CPEB4: variants seen among roughly 807,000 people sequenced by gnomAD.
The protein encoded by CPEB4 is cytoplasmic polyadenylation element-binding protein 4.
In CPEB4, 12 loss-of-function variants were observed where a neutral mutation model predicts 72.5. That is an observed-to-expected ratio of 0.17 (90% CI 0.11 to 0.27). The LOEUF is 0.27. CPEB4 is among the 10% of genes least tolerant of loss of function. The pLI, the probability that CPEB4 is intolerant of heterozygous loss-of-function variation, is 1.00. For missense variants in CPEB4, 614 were observed against 908.5 expected, an observed-to-expected ratio of 0.68 and a Z score of 4.17; for synonymous variants, 302 against 326.3, an observed-to-expected ratio of 0.93 and a Z score of 0.80.
chr5:173,898,573 A>G (rs1297443192), intron 1 of CPEB4, among the ~76,000 whole-genome samples: 1 of 152,252 alleles, frequency 6.6e-6, no homozygotes, highest in Admixed American at 6.5e-5. Context: ...TTGTTTTAAG[A>G]AAGCAACTCA....
At position 173,888,371 on chromosome 5, in the gene CPEB4, A is replaced by G. The variant is rs1755680334; in HGVS notation, c.-1363A>G. 2.2e-6 allele frequency: 1 copy of G among 445,296 alleles called. No individual in the cohort carries two copies. The highest frequency in any genetic ancestry group is 3.9e-6 in the Non-Finnish European group (1 of 258,568). 27.6% of individuals were successfully genotyped at this position (445,296 alleles called of 1,614,324 possible). On this transcript the variant is annotated 5_prime_UTR_variant, in exon 1 of 10. Transcript: ENST00000265085. This position sits in a 1 kb window ranked among gnomAD's most constrained non-coding sequence, Gnocchi z 4.3. Reference sequence around the variant, plus strand: ...TTCACTCGGCTCGGTCCTGAGGAGAAGGACTCAGCCGCGGCTGCGGGACCC... The same window carrying G: ...TTCACTCGGCTCGGTCCTGAGGAGAGGGACTCAGCCGCGGCTGCGGGACCC...
At chr5:173,920,016 A>G (rs1234919250) in intron 2 of CPEB4, among the ~76,000 whole-genome samples, 4 of 152,366 alleles carry the variant, frequency 2.6e-5, no homozygotes, top group Middle Eastern at 3.4e-3. Context: ...TGTAAAAGGA[A>G]TACTTTTTAA....
At chr5:173,895,288 G>C (rs528351121) in intron 1 of CPEB4, among the ~76,000 whole-genome samples, 2 of 152,282 alleles carry the variant, frequency 1.3e-5, no homozygotes, top group South Asian at 4.1e-4. Flanking sequence ...TTCTTTGGAG[G>C]GGTGCCTGGA....
Position 173,890,778 on chromosome 5 carries a change from G to T in CPEB4, c.1045G>T (p.Ala349Ser), listed in dbSNP as rs758003370. 6.2e-6 allele frequency: 10 copies of T among 1,614,074 alleles called. No homozygotes were observed. The Admixed American group carries it at 1.5e-4, about 24-fold the overall frequency. The change falls in exon 1 of 10, where the codon GCT becomes TCT. Residue 349 changes from alanine to serine, a missense_variant. Transcript: ENST00000265085. ...CAATCATATTCAGCTCCAGAAGTAT[G>T]CTCGCCCCAGCTCTGCCTTTGCACC... ...ASNHIQLQKYARPSSAFAPKS... is the reference protein window; with the variant it reads ...ASNHIQLQKYSRPSSAFAPKS...
intron 2 of CPEB4, among the ~76,000 whole-genome samples, chr5:173,931,738 C>A (rs752614738): frequency 1.3e-5 from 2 of 152,162 alleles, no homozygotes; most frequent in African/African-American, 4.8e-5. Flanking sequence ...ATAGAGAAAT[C>A]CCAGTGCCAT....
At chr5:173,909,493 G>C (rs1756562027) in intron 1 of CPEB4, among the ~76,000 whole-genome samples, 1 of 150,592 alleles carries the variant, frequency 6.6e-6, no homozygotes, top group Non-Finnish European at 1.5e-5. Context: ...CATTATTCCA[G>C]ATTTATTTTT....
chr5:173,891,936 A>T (rs1350799682), intron 1 of CPEB4, among the ~76,000 whole-genome samples: 1 of 152,132 alleles, frequency 6.6e-6, no homozygotes, highest in African/African-American at 2.4e-5. Context: ...TAACTTAGCC[A>T]AGGGTACACA....
Position 173,957,826 on chromosome 5 carries a change from G to C in CPEB4, c.*1689G>C, listed in dbSNP as rs960041061. On this transcript the variant is annotated 3_prime_UTR_variant, in exon 10 of 10. Coordinates refer to ENST00000265085, the MANE Select transcript of CPEB4 (RefSeq NM_030627.4). ...CTATGGATGATCTTTAGGAAAAGCA[G>C]CCCTTTACTTTTAATACAGGCTTTA... 10 of 152,768 alleles carry C rather than the reference G, an allele frequency of 6.5e-5. No individual in the cohort carries two copies. Among genetic ancestry groups the C allele is most frequent in the Non-Finnish European group, 1.0e-4 (7 of 68,046 alleles). The allele number at this position is 152,768 out of a possible 1,614,324, so 9.5% of individuals were successfully genotyped here.
chr5:173,907,891 G>T (rs1756503034), intron 1 of CPEB4, among the ~76,000 whole-genome samples: 1 of 152,208 alleles, frequency 6.6e-6, no homozygotes, highest in Admixed American at 6.5e-5. Flanking sequence ...TGTTGTGGTA[G>T]GCATACTGGA....
rs141740986 is a variant in CPEB4 at position 173,933,546 on chromosome 5, C to A, written c.1258+1046C>A. Among the ~76,000 whole-genome samples the A allele has an allele frequency of 1.9e-3, 285 of 152,020 alleles. 2 individuals are homozygous for A. Among genetic ancestry groups the A allele is most frequent in the Middle Eastern group, 3.4e-3 (1 of 294 alleles). On this transcript the variant is annotated intron_variant, in intron 3 of 9. Transcript: ENST00000265085. ...ATGTAGGTCTTTTCATGCTACAGTG[C>A]GAGAAATAATACCATAATGTAATAT...
At chr5:173,922,860 T>C (rs1273339635) in intron 2 of CPEB4, among the ~76,000 whole-genome samples, 1 of 152,244 alleles carries the variant, frequency 6.6e-6, no homozygotes, top group East Asian at 1.9e-4. Context: ...AGGCATCTAC[T>C]GTGCACCAGG....
Position 173,890,678 on chromosome 5 carries a change from A to C in CPEB4, c.945A>C (p.Arg315=), listed in dbSNP as rs1561601411. The C allele has an allele frequency of 6.2e-7, 1 of 1,614,126 alleles. No homozygotes were observed. Among genetic ancestry groups the C allele is most frequent in the Admixed American group, 1.7e-5 (1 of 60,024 alleles). Residue 315 remains arginine (R), a synonymous_variant, in exon 1 of 10, where the codon CGA becomes CGC. Coordinates refer to ENST00000265085, the MANE Select transcript of CPEB4 (RefSeq NM_030627.4). ...GTGGCTGGGGAGGTTCCCAAGGCCGAGATCACCGCAGAGGGCTGAATGGTG... is the reference window on the plus strand; with the variant it reads ...GTGGCTGGGGAGGTTCCCAAGGCCGCGATCACCGCAGAGGGCTGAATGGTG... ...GYGGWGGSQG[R]DHRRGLNGGI... is the part of the protein sequence containing the mutation.
At chr5:173,917,667 A>C (rs991505979) in intron 2 of CPEB4, among the ~76,000 whole-genome samples, 1 of 152,364 alleles carries the variant, frequency 6.6e-6, no homozygotes, top group East Asian at 1.9e-4. Flanking sequence ...CGGAGGTTGC[A>C]GTGAGCCAAG....
At chr5:173,919,031 T>G (rs1475571542) in intron 2 of CPEB4, among the ~76,000 whole-genome samples, 1 of 152,228 alleles carries the variant, frequency 6.6e-6, no homozygotes, top group African/African-American at 2.4e-5. Flanking sequence ...AACATACATT[T>G]AAAAGATTTT....
At chr5:173,915,388 T>C (rs1756831251) in intron 2 of CPEB4, among the ~76,000 whole-genome samples, 1 of 152,164 alleles carries the variant, frequency 6.6e-6, no homozygotes, top group Non-Finnish European at 1.5e-5. Flanking sequence ...CTTTGTGCGG[T>C]GGGGAAAGGG....
intron 1 of CPEB4, among the ~76,000 whole-genome samples, chr5:173,899,084 G>C (rs1477152847): frequency 6.6e-6 from 1 of 152,198 alleles, no homozygotes; most frequent in Non-Finnish European, 1.5e-5. Flanking sequence ...TGACCAACTG[G>C]TGATATTTTT....
intron 3 of CPEB4, among the ~76,000 whole-genome samples, chr5:173,933,140 A>T (rs1263118571): frequency 6.6e-6 from 1 of 152,194 alleles, no homozygotes; most frequent in Non-Finnish European, 1.5e-5. Context: ...CAATTGGGTG[A>T]AATACAGAGG....
chr5:173,930,395 C>T (rs1757403809), intron 2 of CPEB4, among the ~76,000 whole-genome samples: 1 of 151,666 alleles, frequency 6.6e-6, no homozygotes, highest in Non-Finnish European at 1.5e-5. Context: ...TGTTCTTGCT[C>T]GTAGCATCTC....
chr5:173,950,145 C>A lies in CPEB4; in HGVS notation c.1665+67C>A. The A allele has an allele frequency of 1.1e-6, 1 of 927,422 alleles. No individual in the cohort carries two copies. The highest frequency in any genetic ancestry group is 1.7e-6 in the Non-Finnish European group (1 of 592,504). The allele number at this position is 927,422 out of a possible 1,614,324, so 57.4% of individuals were successfully genotyped here. A position where few individuals can be genotyped will look rare whatever the true frequency, so the allele number is the denominator to read the frequency against. On this transcript the variant is annotated intron_variant, in intron 7 of 9. Transcript: ENST00000265085. This position sits in a 1 kb window ranked among gnomAD's most constrained non-coding sequence, Gnocchi z 5.0. The stretch of plus-strand genomic sequence containing the variant: ...CCATTCATCTGTTATATTTGAAAAA[C>A]CCATAGACAACTTGATGTGTTTGGG...
Sources: gnomAD v4.1 joint callset for allele counts (sites outside exome capture counted in the v4.1 genomes callset) on GRCh38, gnomAD v4.1.1 for gene constraint, Gnocchi (gnomAD v3.1) non-coding constraint, MANE v1.5 for transcripts, NCBI Gene and HGNC (gene_info 2026-07-23, HGNC 2026-07-21) for gene names.